Variants in CADM2 observed in about 807,000 individuals in gnomAD.
CADM2 encodes cell adhesion molecule 2, also known as immunoglobulin superfamily member 4D.
Under a neutral mutation model 49.8 loss-of-function variants are expected in CADM2, and 12 were observed. That is an observed-to-expected ratio of 0.24 (90% CI 0.15 to 0.39). CADM2 has a LOEUF of 0.39. CADM2 is among the 10% of genes least tolerant of loss of function. The pLI, the probability that CADM2 is intolerant of heterozygous loss-of-function variation, is 1.00. For synonymous variants in CADM2, 214 were observed against 175.4 expected (o/e 1.22, Z -1.74); for missense variants, 378 against 492.3 (o/e 0.77, Z 2.20).
At chr3:85,134,159 G>T (rs1021564201) in intron 1 of CADM2, among the ~76,000 whole-genome samples, 14 of 152,216 alleles carry the variant, frequency 9.2e-5, no homozygotes, top group African/African-American at 3.1e-4. Context: ...CTCTGAGTGC[G>T]GGGTCCGCCA....
intron 1 of CADM2, among the ~76,000 whole-genome samples, chr3:84,964,784 A>C (rs1469213673): frequency 6.6e-6 from 1 of 152,208 alleles, no homozygotes; most frequent in African/African-American, 2.4e-5. Context: ...GTAGATGCAT[A>C]AACAGTCATG....
intron 1 of CADM2, among the ~76,000 whole-genome samples, chr3:85,119,379 A>G (rs2038767294): frequency 6.6e-6 from 1 of 152,176 alleles, no homozygotes; most frequent in Admixed American, 6.5e-5. Context: ...TACCAGTACC[A>G]TGCTGTTTTG....
At chr3:85,677,211 G>C (rs965504883) in intron 1 of CADM2, among the ~76,000 whole-genome samples, 2 of 151,636 alleles carry the variant, frequency 1.3e-5, no homozygotes, top group Non-Finnish European at 2.9e-5. Context: ...TGATTTTACA[G>C]ATTTTAGGAT....
At chr3:86,032,605 T>C (rs1475102586) in intron 8 of CADM2, among the ~76,000 whole-genome samples, 1 of 152,020 alleles carries the variant, frequency 6.6e-6, no homozygotes, top group East Asian at 1.9e-4. Flanking sequence ...CTTAACTCTA[T>C]ACTTGTAACC....
At chr3:85,258,500 G>GA (rs201419422) in intron 1 of CADM2, among the ~76,000 whole-genome samples, 1,820 of 143,330 alleles carry the variant, frequency 0.013, 23 homozygotes, top group Non-Finnish European at 0.02. Flanking sequence ...AAAAGAGGAG[G>GA]AAAAAAAAAA....
chr3:85,143,219 A>G (rs2039630058), intron 1 of CADM2, among the ~76,000 whole-genome samples: 1 of 152,220 alleles, frequency 6.6e-6, no homozygotes. Context: ...GTGGTGGCTC[A>G]TGCCTGTAAT....
intron 1 of CADM2, among the ~76,000 whole-genome samples, chr3:85,187,565 T>G (rs2041094465): frequency 6.6e-6 from 1 of 152,138 alleles, no homozygotes; most frequent in Non-Finnish European, 1.5e-5. Flanking sequence ...AATTCCCAAC[T>G]TGCTGGTTTA....
intron 8 of CADM2, chr3:86,012,977 A>T (rs184801637): frequency 1.1e-3 from 867 of 825,200 alleles, no homozygotes; most frequent in Non-Finnish European, 1.1e-3. Context: ...CATCTCAAAA[A>T]CAAAAACAAA....
Position 85,853,418 on chromosome 3 carries a change from A to C in CADM2, c.239-29873A>C, listed in dbSNP as rs537057807. Among the ~76,000 whole-genome samples the C allele has an allele frequency of 2.9e-3, 440 of 152,234 alleles. 1 individual carries two copies. Among genetic ancestry groups the C allele is most frequent in the Non-Finnish European group, 4.8e-3 (326 of 67,960 alleles). Reference sequence around the variant, plus strand: ...TATTTCAGTTTTTAAGTTTTTAAACATCCAAAATTATAGGCGATTAAGCAA... The same window carrying C: ...TATTTCAGTTTTTAAGTTTTTAAACCTCCAAAATTATAGGCGATTAAGCAA... On this transcript the variant is annotated intron_variant, in intron 3 of 9. Coordinates refer to ENST00000383699, the MANE Select transcript of CADM2 (RefSeq NM_001167675.2).
intron 1 of CADM2, among the ~76,000 whole-genome samples, chr3:85,288,784 G>GACCC (rs2043698717): frequency 1.1e-5 from 1 of 88,200 alleles, no homozygotes. Flanking sequence ...TTACCAATAT[G>GACCC]CCCCCCCCCC....
At chr3:85,843,909 G>A (rs73845695) in intron 3 of CADM2, among the ~76,000 whole-genome samples, 3,858 of 151,512 alleles carry the variant, frequency 0.025, 191 homozygotes, top group African/African-American at 0.089. Flanking sequence ...GGGGGGGAGC[G>A]GTTACTAAAA....
intron 5 of CADM2, among the ~76,000 whole-genome samples, chr3:85,908,791 C>G (rs940477246): frequency 3.3e-5 from 5 of 150,534 alleles, no homozygotes; most frequent in Non-Finnish European, 5.9e-5. Flanking sequence ...GGGGCGTGGT[C>G]TCTGCTCACT....
At chr3:85,686,169 T>C (rs1364895111) in intron 1 of CADM2, among the ~76,000 whole-genome samples, 1 of 152,204 alleles carries the variant, frequency 6.6e-6, no homozygotes, top group South Asian at 2.1e-4. Flanking sequence ...TACTTCCTTC[T>C]GTTTAATATC....
chr3:85,848,817 C>T (rs1265892841), intron 3 of CADM2, among the ~76,000 whole-genome samples: 4 of 152,138 alleles, frequency 2.6e-5, no homozygotes, highest in African/African-American at 9.7e-5. Flanking sequence ...CTTCATGTTA[C>T]TGACTACATG....
chr3:85,621,958 A>G (rs544161685), intron 1 of CADM2, among the ~76,000 whole-genome samples: 44 of 152,320 alleles, frequency 2.9e-4, no homozygotes, highest in African/African-American at 1.0e-3. Context: ...GGATTTCTCG[A>G]AGGGTTAGTT....
intron 1 of CADM2, among the ~76,000 whole-genome samples, chr3:85,080,806 T>C (rs887680512): frequency 6.6e-6 from 1 of 152,038 alleles, no homozygotes; most frequent in South Asian, 2.1e-4. Context: ...TTCAAGTAGT[T>C]TAAATTATTT....
intron 1 of CADM2, among the ~76,000 whole-genome samples, chr3:85,112,270 T>A (rs2038485825): frequency 6.6e-6 from 1 of 151,846 alleles, no homozygotes; most frequent in Non-Finnish European, 1.5e-5. Flanking sequence ...CTGCCCAGTA[T>A]GTGTCATGTA....
At chr3:85,217,924 C>T (rs1049482197) in intron 1 of CADM2, among the ~76,000 whole-genome samples, 4 of 151,948 alleles carry the variant, frequency 2.6e-5, no homozygotes, top group Admixed American at 6.6e-5. Context: ...ACATAATGGT[C>T]ACCTTTTTTA....
intron 1 of CADM2, among the ~76,000 whole-genome samples, chr3:85,705,385 A>T (rs2066912724): frequency 6.6e-6 from 1 of 152,306 alleles, no homozygotes; most frequent in Admixed American, 6.5e-5. Context: ...GATTTAAAGC[A>T]CAGAGACATG....
Sources: gnomAD v4.1 joint callset for allele counts (sites outside exome capture counted in the v4.1 genomes callset) on GRCh38, gnomAD v4.1.1 for gene constraint, MANE v1.5 for transcripts, NCBI Gene and HGNC (gene_info 2026-07-23, HGNC 2026-07-21) for gene names.